GPC6: variants seen among roughly 807,000 people sequenced by gnomAD.
The protein encoded by GPC6 is glypican-6.
A neutral mutation model predicts 55.2 loss-of-function variants in GPC6; 14 were observed. The observed-to-expected ratio is 0.25, with a 90% CI of 0.17 to 0.40. The LOEUF (loss-of-function observed/expected upper bound fraction) is 0.40, where lower values mean the gene tolerates loss of function less well. Among genes scored for constraint, GPC6 ranks in the 10% least tolerant of loss-of-function variants. The probability of loss-of-function intolerance (pLI) is 1.00; values close to 1 mark genes in which losing one functional copy is unlikely to be tolerated. For missense variants in GPC6, 641 were observed against 708.5 expected (o/e 0.90, Z 1.08); for synonymous variants, 278 against 259.6 (o/e 1.07, Z -0.68).
chr13:94,405,107 C>CACATTAAGTAGAACACAGAAT lies in GPC6; in HGVS notation c.*1893_*1894insTTAAGTAGAACACAGAATACA, dbSNP rs1881315838. 1 of 152,106 alleles carries CACATTAAGTAGAACACAGAAT rather than the reference C, an allele frequency of 6.6e-6. No individual in the cohort carries two copies. Among genetic ancestry groups the CACATTAAGTAGAACACAGAAT allele is most frequent in the Non-Finnish European group, 1.5e-5 (1 of 68,024 alleles). 9.4% of individuals were successfully genotyped at this position (152,106 alleles called of 1,614,324 possible). A position where few individuals can be genotyped will look rare whatever the true frequency, so the allele number is the denominator to read the frequency against. ...TCACATTTAAGTAGAACACATGTGG[C>CACATTAAGTAGAACACAGAAT]ACAATAGTATTAAGTATATTTGAGC... On this transcript the variant is annotated 3_prime_UTR_variant, in exon 9 of 9. Coordinates refer to ENST00000377047, the MANE Select transcript of GPC6 (RefSeq NM_005708.5).
chr13:93,561,403 C>CAATATATATATATATATATATATATATA (rs1566424669), intron 2 of GPC6, among the ~76,000 whole-genome samples: 1 of 55,012 alleles, frequency 1.8e-5, no homozygotes, highest in African/African-American at 9.5e-5. Flanking sequence ...ATATCCCTAT[C>CAATATATATATATATATATATATATATA]GATATATATA....
chr13:93,602,986 CT>C (rs1168797768), intron 2 of GPC6, among the ~76,000 whole-genome samples: 2 of 135,886 alleles, frequency 1.5e-5, no homozygotes, highest in Non-Finnish European at 3.0e-5. Flanking sequence ...TTTCCTTTTT[CT>C]TTTTTCTTTT....
At chr13:93,500,746 A>G (rs1482844396) in intron 1 of GPC6, among the ~76,000 whole-genome samples, 1 of 152,134 alleles carries the variant, frequency 6.6e-6, no homozygotes, top group Non-Finnish European at 1.5e-5. Context: ...TCATTTTTTA[A>G]GGAGTGTAGA....
rs115281151 is a variant in GPC6 at position 93,765,869 on chromosome 13, G to T, written c.320-64285G>T. ...GTTCTCAAGTTGTTTCACTTTTTTT[G>T]AAAGTTAACCTTTTGATATCATGGA... On this transcript the variant is annotated intron_variant, in intron 2 of 8. Coordinates refer to ENST00000377047, the MANE Select transcript of GPC6 (RefSeq NM_005708.5). Among the ~76,000 whole-genome samples the T allele has an allele frequency of 3.2e-3, 488 of 152,156 alleles. 4 individuals carry two copies. Among genetic ancestry groups the T allele is most frequent in the African/African-American group, 0.011 (462 of 41,518 alleles).
intron 1 of GPC6, among the ~76,000 whole-genome samples, chr13:93,346,514 G>T (rs371672019): frequency 1.3e-5 from 2 of 152,146 alleles, no homozygotes; most frequent in African/African-American, 4.8e-5. Flanking sequence ...ATGGGTGACA[G>T]TTTCCCTGTG....
intron 6 of GPC6, among the ~76,000 whole-genome samples, chr13:94,324,707 T>TG (rs1433922337): frequency 1.3e-5 from 2 of 150,118 alleles, no homozygotes; most frequent in African/African-American, 4.9e-5. Context: ...GGTTTTTTGT[T>TG]TTTTTTTTTA....
chr13:93,879,953 C>G (rs1015248738), intron 3 of GPC6, among the ~76,000 whole-genome samples: 1 of 150,760 alleles, frequency 6.6e-6, no homozygotes, highest in Admixed American at 6.6e-5. Context: ...AGCCAAAAAA[C>G]ACATGAAAAA....
intron 4 of GPC6, among the ~76,000 whole-genome samples, chr13:94,220,676 C>T (rs761512574): frequency 3.9e-5 from 6 of 152,030 alleles, no homozygotes; most frequent in Non-Finnish European, 7.4e-5. Flanking sequence ...TAGTAGGGGT[C>T]GGTTCTAGGC....
At chr13:94,156,097 A>G (rs574522866) in intron 4 of GPC6, among the ~76,000 whole-genome samples, 84 of 152,296 alleles carry the variant, frequency 5.5e-4, no homozygotes, top group Non-Finnish European at 1.1e-3. Flanking sequence ...GCTTTTCCAT[A>G]TCTCTGCCAT....
At chr13:93,262,721 C>G (rs2139042428) in intron 1 of GPC6, among the ~76,000 whole-genome samples, 1 of 152,288 alleles carries the variant, frequency 6.6e-6, no homozygotes, top group South Asian at 2.1e-4. Context: ...CCCCCACACC[C>G]CCAAGTTGCA....
At chr13:94,120,566 A>G (rs986163488) in intron 4 of GPC6, among the ~76,000 whole-genome samples, 3 of 152,056 alleles carry the variant, frequency 2.0e-5, no homozygotes, top group African/African-American at 4.8e-5. Flanking sequence ...TATGAAATCA[A>G]TGTGGGTTTA....
At chr13:93,286,766 G>A (rs553387555) in intron 1 of GPC6, among the ~76,000 whole-genome samples, 1 of 152,208 alleles carries the variant, frequency 6.6e-6, no homozygotes, top group Non-Finnish European at 1.5e-5. Flanking sequence ...CTTAGGGAGT[G>A]GCGGTGAAAG....
rs1167962413 is a variant in GPC6 at position 93,393,149 on chromosome 13, G to C, written c.161-152114G>C. 4.0e-5 allele frequency among the ~76,000 whole-genome samples: 6 copies of C among 149,830 alleles called. No individual in the cohort carries two copies. In the East Asian group the frequency reaches 1.2e-3, roughly 30 times the overall value. On this transcript the variant is annotated intron_variant, in intron 1 of 8. Transcript: ENST00000377047. ...ATATAGAGAGAGAGAGAGAGAGAGA[G>C]AGAGAGAGAGTGAGAGTCTCTCACT...
intron 1 of GPC6, among the ~76,000 whole-genome samples, chr13:93,244,348 T>C (rs546874168): frequency 6.6e-6 from 1 of 152,270 alleles, no homozygotes; most frequent in African/African-American, 2.4e-5. Context: ...AAACCGCAGC[T>C]CTTAGGCCAC....
At chr13:93,664,308 C>T (rs1419343285) in intron 2 of GPC6, among the ~76,000 whole-genome samples, 2 of 151,868 alleles carry the variant, frequency 1.3e-5, no homozygotes, top group East Asian at 1.9e-4. Context: ...TTAAAAAGCC[C>T]GTTAGCTGCA....
intron 2 of GPC6, among the ~76,000 whole-genome samples, chr13:93,584,692 T>TTG (rs1483808730): frequency 1.2e-4 from 17 of 144,038 alleles, no homozygotes; most frequent in Admixed American, 1.0e-3. Context: ...AAGTTTTTTT[T>TTG]TTTTTTTTTT....
At chr13:93,335,064 T>A (rs1337922751) in intron 1 of GPC6, among the ~76,000 whole-genome samples, 5 of 152,230 alleles carry the variant, frequency 3.3e-5, no homozygotes, top group Non-Finnish European at 5.9e-5. Context: ...CAACTGTTGA[T>A]GCATCTTGAA....
chr13:93,642,175 A>G (rs9516263), intron 2 of GPC6, among the ~76,000 whole-genome samples: 30,249 of 151,902 alleles, frequency 0.2, 3,407 homozygotes, highest in Admixed American at 0.26. Flanking sequence ...CCCAGTATCT[A>G]TTGTTTCCCA....
chr13:94,272,899 T>C (rs1229772269), intron 4 of GPC6, among the ~76,000 whole-genome samples: 1 of 151,986 alleles, frequency 6.6e-6, no homozygotes, highest in Non-Finnish European at 1.5e-5. Flanking sequence ...CCCAGCCACA[T>C]CACCAGGCTC....
Sources: gnomAD v4.1 joint callset for allele counts (sites outside exome capture counted in the v4.1 genomes callset) on GRCh38, gnomAD v4.1.1 for gene constraint, MANE v1.5 for transcripts, NCBI Gene and HGNC (gene_info 2026-07-23, HGNC 2026-07-21) for gene names.